The following ZSWIM3 variants were observed in gnomAD, a reference collection of about 807,000 sequenced individuals.
ZSWIM3 encodes the protein zinc finger SWIM domain-containing protein 3.
ZSWIM3 carries 27 observed loss-of-function variants against 47.5 expected under a neutral mutation model. The ratio of observed to expected loss-of-function variants is 0.57; its 90% CI spans 0.42 to 0.78. The LOEUF (loss-of-function observed/expected upper bound fraction) is 0.78. Among genes scored for constraint, ZSWIM3 ranks in the 30% least tolerant of loss-of-function variants. ZSWIM3 has a pLI of 0.00. For synonymous variants in ZSWIM3, 333 were observed against 333.9 expected, an observed-to-expected ratio of 1.00 and a Z score of 0.03; for missense variants, 689 against 861.3, an observed-to-expected ratio of 0.80 and a Z score of 2.50.
rs3746524 is a variant in ZSWIM3 at position 45,878,863 on chromosome 20, C to T, written c.*214C>T. ...CCTACTTTTGGCATTCCTTGGGAGC[C>T]TCAGTTGTTGTTCAAGGCCAAAGTT... On this transcript the variant is annotated 3_prime_UTR_variant, in exon 2 of 2. Transcript: ENST00000255152. The T allele has an allele frequency of 0.018, 11,337 of 628,034 alleles. 559 individuals are homozygous for T. Among genetic ancestry groups the T allele is most frequent in the East Asian group, 0.15 (4,743 of 32,510 alleles). 38.9% of individuals were successfully genotyped at this position (628,034 alleles called of 1,614,324 possible).
In ZSWIM3 at chr20:45,878,020, C is replaced by T; in HGVS notation, c.1462C>T (p.Pro488Ser). 2 of 1,614,142 alleles carry T rather than the reference C, an allele frequency of 1.2e-6. No homozygotes were observed. The highest frequency in any genetic ancestry group is 1.7e-6 in the Non-Finnish European group (2 of 1,180,022). The change falls in exon 2 of 2, where the codon CCG becomes TCG. Residue 488 changes from proline (P) to serine (S), a missense_variant. Coordinates refer to ENST00000255152, the MANE Select transcript of ZSWIM3 (RefSeq NM_080752.4). ...ACAGGTACAGCAGCAGTCACAAGTGCCGCCCTCGCAGGTTGGCATGCTGGA... is the reference window on the plus strand; with the variant it reads ...ACAGGTACAGCAGCAGTCACAAGTGTCGCCCTCGCAGGTTGGCATGCTGGA... ...QVQVQQQSQV[P>S]PSQVGMLDTL...
chr20:45,857,718 T>C lies in ZSWIM3; in HGVS notation c.-108T>C. 2 of 1,394,128 alleles carry C rather than the reference T, an allele frequency of 1.4e-6. No individual in the cohort carries two copies. Among genetic ancestry groups the C allele is most frequent in the Non-Finnish European group, 9.8e-7 (1 of 1,019,680 alleles). 86.4% of individuals were successfully genotyped at this position (1,394,128 alleles called of 1,614,324 possible). A position where few individuals can be genotyped will look rare whatever the true frequency, so the allele number is the denominator to read the frequency against. Reference sequence around the variant, plus strand: ...CCAGTTGGGGCGGACCCTTAAGGCATTCTGGGCCCACGCCTGCCTATAAAC... The same window carrying C: ...CCAGTTGGGGCGGACCCTTAAGGCACTCTGGGCCCACGCCTGCCTATAAAC... On this transcript the variant is annotated 5_prime_UTR_variant, in exon 1 of 2. Transcript: ENST00000255152.
At chr20:45,865,047 A>G (rs1985803990) in intron 1 of ZSWIM3, among the ~76,000 whole-genome samples, 1 of 149,518 alleles carries the variant, frequency 6.7e-6, no homozygotes, top group Non-Finnish European at 1.5e-5. Context: ...GCCGGGGCGC[A>G]GTGGCTCACA....
Position 45,878,641 on chromosome 20 carries a change from C to A in ZSWIM3, c.2083C>A (p.His695Asn), listed in dbSNP as rs1385463104. The change falls in exon 2 of 2, where the codon CAT becomes AAT. Residue 695 changes from histidine (H) to asparagine (N), a missense_variant. Transcript: ENST00000255152. ...EGFPPATAVMHY is the reference protein window; with the variant it reads ...EGFPPATAVMNY Reference sequence around the variant, plus strand: ...ATTCCCTCCTGCTACAGCTGTGATGCATTATTGAAGCACTTTAGCTGAAGC... The same window carrying A: ...ATTCCCTCCTGCTACAGCTGTGATGAATTATTGAAGCACTTTAGCTGAAGC... The A allele has an allele frequency of 6.2e-7, 1 of 1,605,044 alleles. No individual in the cohort carries two copies. Among genetic ancestry groups the A allele is most frequent in the Non-Finnish European group, 8.5e-7 (1 of 1,173,856 alleles).
At position 45,857,997 on chromosome 20, in the gene ZSWIM3, CGGGGCGGGCCAAGAGGGT is replaced by C. The variant is rs748893098; in HGVS notation, c.155+22_155+39del. On this transcript the variant is annotated intron_variant, in intron 1 of 1. Coordinates refer to ENST00000255152, the MANE Select transcript of ZSWIM3 (RefSeq NM_080752.4). Reference sequence around the variant, plus strand: ...AGACATCCTGTAAGGGCGGGCGGGGCGGGGCGGGCCAAGAGGGTGGGGAGGAGGCTGGACCTCCGGAGG... The same window carrying C: ...AGACATCCTGTAAGGGCGGGCGGGGCGGGGAGGAGGCTGGACCTCCGGAGG... 6.5e-5 allele frequency: 3 copies of C among 46,272 alleles called. No homozygotes were observed. The African/African-American group carries it at 2.2e-3, about 34-fold the overall frequency. The allele number at this position is 46,272 out of a possible 1,614,324, so 2.9% of individuals were successfully genotyped here.
chr20:45,863,048 C>T (rs73124802), intron 1 of ZSWIM3, among the ~76,000 whole-genome samples: 4,833 of 152,286 alleles, frequency 0.032, 101 homozygotes, highest in South Asian at 0.06. Context: ...ACACAAGTGG[C>T]AGCATGCTAT....
In ZSWIM3 at chr20:45,878,698, TGA is replaced by T. The variant is rs779647056; in HGVS notation, c.*53_*54del. Reference sequence around the variant, plus strand: ...CCACAAACACTTCTCCTTGGAAGTGTGAGAGTTTAAAGTGGGCAGGACATACT... The same window carrying T: ...CCACAAACACTTCTCCTTGGAAGTGTGAGTTTAAAGTGGGCAGGACATACT... On this transcript the variant is annotated 3_prime_UTR_variant, in exon 2 of 2. Transcript: ENST00000255152. 9.8e-5 allele frequency: 153 copies of T among 1,556,412 alleles called. No individual in the cohort carries two copies. The highest frequency in any genetic ancestry group is 7.2e-4 in the South Asian group (59 of 82,392).
chr20:45,872,189 T>G (rs933526919), intron 1 of ZSWIM3, among the ~76,000 whole-genome samples: 2 of 152,222 alleles, frequency 1.3e-5, no homozygotes, highest in Admixed American at 6.5e-5. Context: ...ATTGGGGGCT[T>G]CATGTAGCCA....
chr20:45,866,943 A>C (rs1461930850), intron 1 of ZSWIM3, among the ~76,000 whole-genome samples: 1 of 151,828 alleles, frequency 6.6e-6, no homozygotes, highest in Admixed American at 6.6e-5. Context: ...GTGCTCTGGG[A>C]ATTACCACTA....
Position 45,878,752 on chromosome 20 carries a change from TC to T in ZSWIM3, c.*105del. On this transcript the variant is annotated 3_prime_UTR_variant, in exon 2 of 2. Transcript: ENST00000255152. Reference sequence around the variant, plus strand: ...GGGTTTAGCATTTTAGCCAATGTCTTCCTAGGTGGGGCTAGGAATATTGTTA... The same window carrying T: ...GGGTTTAGCATTTTAGCCAATGTCTTCTAGGTGGGGCTAGGAATATTGTTA... The T allele has an allele frequency of 1.4e-6, 2 of 1,415,136 alleles. No individual in the cohort carries two copies. Among genetic ancestry groups the T allele is most frequent in the Non-Finnish European group, 1.9e-6 (2 of 1,057,814 alleles). 87.7% of individuals were successfully genotyped at this position (1,415,136 alleles called of 1,614,324 possible).
Position 45,857,658 on chromosome 20 carries a change from C to T in ZSWIM3, c.-168C>T, listed in dbSNP as rs1306852131. 1.2e-6 allele frequency: 1 copy of T among 805,886 alleles called. No homozygotes were observed. The highest frequency in any genetic ancestry group is 2.0e-6 in the Non-Finnish European group (1 of 497,060). 49.9% of individuals were successfully genotyped at this position (805,886 alleles called of 1,614,324 possible). ...CCCTTCCTCTTGTAACCCGGTCAGGCCTAGGGTTCCTCCCTGAGTTCCAGA... is the reference window on the plus strand; with the variant it reads ...CCCTTCCTCTTGTAACCCGGTCAGGTCTAGGGTTCCTCCCTGAGTTCCAGA... On this transcript the variant is annotated 5_prime_UTR_variant, in exon 1 of 2. Coordinates refer to ENST00000255152, the MANE Select transcript of ZSWIM3 (RefSeq NM_080752.4).
rs750810755 is a variant in ZSWIM3 at position 45,877,448 on chromosome 20, T to C, written c.890T>C (p.Ile297Thr). Residue 297 changes from isoleucine to threonine, a missense_variant, in exon 2 of 2, where the codon ATC becomes ACC. Coordinates refer to ENST00000255152, the MANE Select transcript of ZSWIM3 (RefSeq NM_080752.4). ...SFHYRAILQE[I>T]FPAARILLSI... is the part of the protein sequence containing the mutation. ...CATTACCGGGCTATCCTGCAGGAGA[T>C]CTTTCCTGCTGCCCGCATCCTCCTT... 3.7e-5 allele frequency: 59 copies of C among 1,614,056 alleles called. No individual in the cohort carries two copies. In the South Asian group the frequency reaches 5.9e-4, roughly 16 times the overall value.
chr20:45,859,669 T>A (rs1460211288), intron 1 of ZSWIM3, among the ~76,000 whole-genome samples: 4 of 151,546 alleles, frequency 2.6e-5, no homozygotes, highest in Admixed American at 6.6e-5. Context: ...AGAGTAACAG[T>A]GAGGGATACC....
chr20:45,873,900 G>A (rs531401384), intron 1 of ZSWIM3, among the ~76,000 whole-genome samples: 39 of 152,334 alleles, frequency 2.6e-4, no homozygotes, highest in South Asian at 8.3e-4. Context: ...CTAAGGTGGT[G>A]ACACCTGATT....
chr20:45,863,167 T>C (rs751330655), intron 1 of ZSWIM3, among the ~76,000 whole-genome samples: 1 of 106,442 alleles, frequency 9.4e-6, no homozygotes, highest in African/African-American at 3.0e-5. Flanking sequence ...ATTGATTTCC[T>C]TGTTTTTTTT....
Position 45,857,616 on chromosome 20 carries a change from C to A in ZSWIM3, c.-210C>A. ...ATGGACTGAGTGTCATTTCCCCTGT[C>A]AGATAGCAAATACACCCCCTTCCTC... On this transcript the variant is annotated 5_prime_UTR_variant, in exon 1 of 2. Coordinates refer to ENST00000255152, the MANE Select transcript of ZSWIM3 (RefSeq NM_080752.4). 1 of 674,196 alleles carries A rather than the reference C, an allele frequency of 1.5e-6. No homozygotes were observed. The highest frequency in any genetic ancestry group is 2.5e-6 in the Non-Finnish European group (1 of 394,364). The allele number at this position is 674,196 out of a possible 1,614,324, so 41.8% of individuals were successfully genotyped here.
At chr20:45,867,545 T>C (rs974275638) in intron 1 of ZSWIM3, among the ~76,000 whole-genome samples, 8 of 152,212 alleles carry the variant, frequency 5.3e-5, no homozygotes, top group African/African-American at 1.7e-4. Flanking sequence ...TTGTGTTCTG[T>C]TTATGATTGA....
At chr20:45,866,987 C>T (rs902882600) in intron 1 of ZSWIM3, among the ~76,000 whole-genome samples, 1 of 146,802 alleles carries the variant, frequency 6.8e-6, no homozygotes. Context: ...AAAATAAAAT[C>T]AGATCAAGTT....
intron 1 of ZSWIM3, among the ~76,000 whole-genome samples, chr20:45,862,643 C>T (rs1985738346): frequency 1.3e-5 from 2 of 152,108 alleles, no homozygotes; most frequent in Admixed American, 1.3e-4. Context: ...AGGCATGCAC[C>T]ACCACGCCTG....
Sources: gnomAD v4.1 joint callset for allele counts (sites outside exome capture counted in the v4.1 genomes callset) on GRCh38, gnomAD v4.1.1 for gene constraint, MANE v1.5 for transcripts, NCBI Gene and HGNC (gene_info 2026-07-23, HGNC 2026-07-21) for gene names.